THADA: variants seen among roughly 807,000 people sequenced by gnomAD.
THADA encodes the protein THADA armadillo repeat containing.
Under a neutral mutation model 219.8 loss-of-function variants are expected in THADA, and 213 were observed. That is an observed-to-expected ratio of 0.97 (90% confidence interval 0.87 to 1.09). THADA has a LOEUF of 1.09. THADA is among the 50% of genes least tolerant of loss of function. The pLI is 0.00. For missense variants in THADA, 2,956 were observed against 2,311.3 expected (o/e 1.28, Z -5.72); for synonymous variants, 1,018 against 828.9 (o/e 1.23, Z -3.92).
rs779272372 is a variant in THADA, at chr2:43,286,925, T to A, written c.5147A>T (p.Asn1716Ile). 4 of 1,611,390 alleles carry A rather than the reference T, an allele frequency of 2.5e-6. No individual in the cohort carries two copies. The South Asian group carries it at 4.4e-5, about 18-fold the overall frequency. The change falls in exon 35 of 38, where the codon AAC becomes ATC. Residue 1716 changes from asparagine to isoleucine, a missense_variant. Transcript: ENST00000405975. ...LTSTTPLFLTNPHPILELQDT... is the reference protein window; with the variant it reads ...LTSTTPLFLTIPHPILELQDT... ...GCACTTACCAAGAATAGGATGGGGG[T>A]TGGTGAGGAAAAGTGGTGTAGTACT...
Position 43,586,948 on chromosome 2 carries a change from A to C in THADA, c.357T>G (p.Thr119=), listed in dbSNP as rs1361323108. The change falls in exon 5 of 38, where the codon ACT becomes ACG. Residue 119 remains threonine, a synonymous_variant. Coordinates refer to ENST00000405975, the MANE Select transcript of THADA (RefSeq NM_022065.5). ...TATTCAATTCTTCCTGAAGACGAGAAGTAAAACGGTGCATAGCCTCAGGTA... is the reference window on the plus strand; with the variant it reads ...TATTCAATTCTTCCTGAAGACGAGACGTAAAACGGTGCATAGCCTCAGGTA... ...FFLPEAMHRF[T]SRLQEELNTT... The C allele has an allele frequency of 9.3e-6, 15 of 1,613,768 alleles. No individual in the cohort carries two copies. The highest frequency in any genetic ancestry group is 1.3e-5 in the Non-Finnish European group (15 of 1,179,848).
chr2:43,241,062 A>G (rs1047134561), intron 36 of THADA, among the ~76,000 whole-genome samples: 1 of 151,960 alleles, frequency 6.6e-6, no homozygotes, highest in Non-Finnish European at 1.5e-5. Flanking sequence ...TTCAGACTTC[A>G]CCGGGCCCAG....
At chr2:43,497,431 C>G (rs1653442506) in intron 25 of THADA, among the ~76,000 whole-genome samples, 1 of 152,154 alleles carries the variant, frequency 6.6e-6, no homozygotes, top group Admixed American at 6.5e-5. Flanking sequence ...CAAACTAACA[C>G]AGGAACAGAA....
chr2:43,437,914 G>A (rs1415756350), intron 26 of THADA, among the ~76,000 whole-genome samples: 2 of 151,958 alleles, frequency 1.3e-5, no homozygotes, highest in African/African-American at 2.4e-5. Flanking sequence ...ACTGAATAAA[G>A]GACAAATAAT....
intron 15 of THADA, chr2:43,564,070 A>C (rs1698391528): frequency 6.6e-6 from 1 of 152,188 alleles, no homozygotes; most frequent in African/African-American, 2.4e-5. Flanking sequence ...GCCTAGTTTT[A>C]TTTCCCACAC....
In THADA at chr2:43,291,701, C is replaced by T. The variant is rs1380703821; in HGVS notation, c.5005G>A (p.Val1669Met). 2.6e-6 allele frequency: 4 copies of T among 1,554,032 alleles called. No homozygotes were observed. Among genetic ancestry groups the T allele is most frequent in the Middle Eastern group, 1.7e-4 (1 of 5,982 alleles). Residue 1669 changes from valine (V) to methionine (M), a missense_variant, in exon 34 of 38, where the codon GTG becomes ATG. Physicochemically the swap from Val to Met is conservative, Grantham distance 21. Coordinates refer to ENST00000405975, the MANE Select transcript of THADA (RefSeq NM_022065.5). The part of the protein sequence containing the change: ...KVISHHMQTC[V>M]ENRELIAAEL... ...AAGATCAGAACCAGCCTTACCTCCA[C>T]ACATGTCTGCATGTGGTGGGAAATG... is the stretch of plus-strand genomic sequence containing the variant.
At chr2:43,257,552 C>G (rs1299825221) in intron 36 of THADA, among the ~76,000 whole-genome samples, 1 of 152,232 alleles carries the variant, frequency 6.6e-6, no homozygotes, top group African/African-American at 2.4e-5. Context: ...CTCAGTCTAT[C>G]CCATTCCCCA....
intron 29 of THADA, among the ~76,000 whole-genome samples, chr2:43,351,697 G>A (rs1017318307): frequency 6.6e-6 from 1 of 152,176 alleles, no homozygotes; most frequent in Non-Finnish European, 1.5e-5. Flanking sequence ...ATTCTACCAC[G>A]GTCTTGCTAG....
At chr2:43,422,488 A>G (rs1333579454) in intron 28 of THADA, among the ~76,000 whole-genome samples, 3 of 152,208 alleles carry the variant, frequency 2.0e-5, no homozygotes, top group African/African-American at 7.2e-5. Flanking sequence ...AACAGAGTTC[A>G]GGGGGACTAC....
chr2:43,275,782 C>T (rs1347800022), intron 36 of THADA, among the ~76,000 whole-genome samples: 5 of 152,322 alleles, frequency 3.3e-5, no homozygotes, highest in Non-Finnish European at 5.9e-5. Flanking sequence ...GGCAGCTTCA[C>T]AAATTTGTAC....
chr2:43,487,514 T>G (rs1271267998), intron 25 of THADA, among the ~76,000 whole-genome samples: 1 of 152,214 alleles, frequency 6.6e-6, no homozygotes, highest in Non-Finnish European at 1.5e-5. Flanking sequence ...GTCTTTTTAG[T>G]AATATTAAGA....
intron 36 of THADA, among the ~76,000 whole-genome samples, chr2:43,254,617 A>G (rs1362387497): frequency 6.6e-6 from 1 of 152,122 alleles, no homozygotes; most frequent in African/African-American, 2.4e-5. Flanking sequence ...TCTTTCTGGA[A>G]TGTTCTCCAT....
chr2:43,579,220 CTA>C, intron 8 of THADA, among the ~76,000 whole-genome samples: 1 of 152,330 alleles, frequency 6.6e-6, no homozygotes, highest in Non-Finnish European at 1.5e-5. Context: ...TCCTCGCCAA[CTA>C]TTGCTTCCCA....
chr2:43,570,350 T>A (rs769567438), intron 14 of THADA, 38 bp downstream of exon 14: 40 of 1,525,256 alleles, frequency 2.6e-5, no homozygotes, highest in Middle Eastern at 1.9e-4. Flanking sequence ...CTTTTTAATT[T>A]AAAAAAAAAC....
intron 29 of THADA, among the ~76,000 whole-genome samples, chr2:43,365,038 AC>A (rs1298835168): frequency 6.7e-6 from 1 of 150,254 alleles, no homozygotes; most frequent in East Asian, 2.0e-4. Context: ...GCTGACTGCA[AC>A]CTCCGCCTCC....
At position 43,430,243 on chromosome 2, in the gene THADA, T is replaced by C; in HGVS notation, c.3896A>G (p.Gln1299Arg). Residue 1299 changes from glutamine (Q) to arginine (R), a missense_variant, in exon 27 of 38, where the codon CAG becomes CGG. Coordinates refer to ENST00000405975, the MANE Select transcript of THADA (RefSeq NM_022065.5). ...FPELYPFLLK[Q>R]LETVANTVDS... ...TACTGTATTGGCTACAGTTTCCAAC[T>C]GTTTGAGAAGAAAAGGATAGAGTTC... The C allele has an allele frequency of 6.4e-7, 1 of 1,551,542 alleles. No homozygotes were observed. Among genetic ancestry groups the C allele is most frequent in the Non-Finnish European group, 8.7e-7 (1 of 1,147,436 alleles).
At chr2:43,281,614 T>A (rs575422815) in intron 35 of THADA, among the ~76,000 whole-genome samples, 4 of 151,862 alleles carry the variant, frequency 2.6e-5, no homozygotes, top group African/African-American at 9.7e-5. Flanking sequence ...GCTAATTTTG[T>A]ATTTTTAGTA....
chr2:43,531,342 T>C (rs901098399), intron 21 of THADA, among the ~76,000 whole-genome samples: 4 of 152,208 alleles, frequency 2.6e-5, no homozygotes, highest in African/African-American at 9.6e-5. Flanking sequence ...ACTAAATAAG[T>C]GCGTGCCAGC....
At chr2:43,296,893 G>T (rs1041787347) in intron 31 of THADA, among the ~76,000 whole-genome samples, 14 of 151,214 alleles carry the variant, frequency 9.3e-5, no homozygotes, top group Admixed American at 1.3e-4. Context: ...CGGGGCCCGA[G>T]GGCAAGGAGC....
Sources: allele counts gnomAD v4.1 joint callset (sites outside exome capture counted in the v4.1 genomes callset), GRCh38; gene constraint gnomAD v4.1.1; transcripts MANE v1.5; gene names NCBI Gene and HGNC (gene_info 2026-07-23, HGNC 2026-07-21).